GRID2: variants seen among roughly 807,000 people sequenced by gnomAD.
GRID2 encodes glutamate ionotropic receptor delta type subunit 2.
Under a neutral mutation model 114.8 loss-of-function variants are expected in GRID2, and 33 were observed. The ratio of observed to expected loss-of-function variants is 0.29; its 90% CI spans 0.22 to 0.38. GRID2 has a LOEUF of 0.38. GRID2 is among the 10% of genes least tolerant of loss of function. GRID2 has a pLI of 1.00. For missense variants in GRID2, 1,184 were observed against 1,257.7 expected (o/e 0.94, Z 0.89); for synonymous variants, 505 against 449.9 (o/e 1.12, Z -1.55).
At chr4:92,440,613 C>G (rs953361516) in intron 1 of GRID2, among the ~76,000 whole-genome samples, 105 of 151,458 alleles carry the variant, frequency 6.9e-4, no homozygotes, top group African/African-American at 2.4e-3. Flanking sequence ...TAGATTTCCA[C>G]GATGGAAAGG....
chr4:92,906,552 C>A (rs1437057038), intron 2 of GRID2, among the ~76,000 whole-genome samples: 1 of 152,134 alleles, frequency 6.6e-6, no homozygotes, highest in Non-Finnish European at 1.5e-5. Flanking sequence ...CCTTTAGTTT[C>A]TAAACTACAA....
intron 1 of GRID2, among the ~76,000 whole-genome samples, chr4:92,414,824 C>T (rs1731515763): frequency 1.3e-5 from 2 of 152,066 alleles, no homozygotes; most frequent in South Asian, 2.1e-4. Context: ...TCCATTTATA[C>T]AGCAGAAGAC....
At chr4:92,836,617 A>G (rs1374569347) in intron 2 of GRID2, among the ~76,000 whole-genome samples, 1 of 152,118 alleles carries the variant, frequency 6.6e-6, no homozygotes, top group Non-Finnish European at 1.5e-5. Flanking sequence ...TACTTTAGGA[A>G]AATGTAAGGA....
intron 11 of GRID2, among the ~76,000 whole-genome samples, chr4:93,475,122 G>A (rs568017429): frequency 1.2e-4 from 18 of 151,972 alleles, no homozygotes; most frequent in Non-Finnish European, 2.5e-4. Flanking sequence ...TTTTCCTACT[G>A]CTCATCAATT....
intron 1 of GRID2, among the ~76,000 whole-genome samples, chr4:92,323,774 T>C (rs1726451264): frequency 6.6e-6 from 1 of 152,054 alleles, no homozygotes; most frequent in Non-Finnish European, 1.5e-5. Context: ...TACATGATCA[T>C]AGGCTCATTC....
chr4:93,046,505 T>C (rs995623727), intron 2 of GRID2, among the ~76,000 whole-genome samples: 6 of 152,106 alleles, frequency 3.9e-5, no homozygotes, highest in African/African-American at 1.4e-4. Context: ...ATAAAAAGTT[T>C]AGAAAGTTTA....
chr4:92,472,774 G>T (rs1007384846), intron 1 of GRID2, among the ~76,000 whole-genome samples: 1 of 151,950 alleles, frequency 6.6e-6, no homozygotes, highest in African/African-American at 2.4e-5. Context: ...TGGGTTGTTT[G>T]TATTCTTATT....
chr4:93,350,418 T>C (rs530263206), intron 8 of GRID2, among the ~76,000 whole-genome samples: 3 of 152,174 alleles, frequency 2.0e-5, no homozygotes, highest in African/African-American at 7.2e-5. Flanking sequence ...TTACAGAAGA[T>C]ATTGCAGAGA....
At chr4:93,254,085 A>T (rs572144221) in intron 8 of GRID2, among the ~76,000 whole-genome samples, 14 of 152,246 alleles carry the variant, frequency 9.2e-5, no homozygotes, top group Admixed American at 6.5e-4. Flanking sequence ...TTTCAATAAG[A>T]TAAATGTTTG....
intron 1 of GRID2, among the ~76,000 whole-genome samples, chr4:92,380,040 T>A (rs1729540416): frequency 6.6e-6 from 1 of 151,968 alleles, no homozygotes; most frequent in Admixed American, 6.6e-5. Context: ...AAAAACTATT[T>A]TAGTTTAAAG....
chr4:92,463,400 C>T (rs1721591635), intron 1 of GRID2, among the ~76,000 whole-genome samples: 1 of 151,866 alleles, frequency 6.6e-6, no homozygotes, highest in African/African-American at 2.4e-5. Flanking sequence ...TTTGAACCAC[C>T]ATATTTATTA....
intron 1 of GRID2, among the ~76,000 whole-genome samples, chr4:92,396,607 G>A (rs1730503238): frequency 6.6e-6 from 1 of 152,010 alleles, no homozygotes; most frequent in Admixed American, 6.6e-5. Flanking sequence ...GATGAGGCTA[G>A]TGCATAAAAT....
At chr4:92,504,799 A>G in intron 1 of GRID2, among the ~76,000 whole-genome samples, 1 of 151,996 alleles carries the variant, frequency 6.6e-6, no homozygotes, top group South Asian at 2.1e-4. Flanking sequence ...TTGCTTTTAA[A>G]CTGAAATTTA....
At chr4:93,448,868 T>TGCCC in intron 10 of GRID2, among the ~76,000 whole-genome samples, 1 of 26,588 alleles carries the variant, frequency 3.8e-5, no homozygotes, top group African/African-American at 2.4e-4. Flanking sequence ...TCCCCTTCCC[T>TGCCC]TCCCCTTCCC....
intron 4 of GRID2, among the ~76,000 whole-genome samples, chr4:93,198,027 T>C (rs1323889195): frequency 2.6e-5 from 4 of 152,178 alleles, no homozygotes; most frequent in Non-Finnish European, 4.4e-5. Flanking sequence ...AGTTTAGTCC[T>C]AGGTGAGGTA....
chr4:93,371,692 A>C (rs1762926766), intron 8 of GRID2, among the ~76,000 whole-genome samples: 1 of 151,284 alleles, frequency 6.6e-6, no homozygotes, highest in Non-Finnish European at 1.5e-5. Context: ...TCCATACATC[A>C]CATGTGCTTT....
intron 2 of GRID2, among the ~76,000 whole-genome samples, chr4:92,845,223 C>G (rs1743223074): frequency 6.6e-6 from 1 of 152,194 alleles, no homozygotes; most frequent in Non-Finnish European, 1.5e-5. Context: ...AATGCCATGT[C>G]TTGAAACTCT....
intron 1 of GRID2, among the ~76,000 whole-genome samples, chr4:92,577,088 G>T (rs537464179): frequency 6.6e-6 from 1 of 151,994 alleles, no homozygotes; most frequent in African/African-American, 2.4e-5. Context: ...TAGCATATTC[G>T]AAAGGGAACC....
At chr4:93,209,162 A>T (rs946956287) in intron 5 of GRID2, among the ~76,000 whole-genome samples, 2 of 151,878 alleles carry the variant, frequency 1.3e-5, no homozygotes, top group African/African-American at 4.8e-5. Context: ...AACTCGTGTC[A>T]TGGGGGTTTA....
Sources: allele counts gnomAD v4.1 joint callset (sites outside exome capture counted in the v4.1 genomes callset), GRCh38; gene constraint gnomAD v4.1.1; transcripts MANE v1.5; gene names NCBI Gene and HGNC (gene_info 2026-07-23, HGNC 2026-07-21).